AGBL4: variants seen among roughly 807,000 people sequenced by gnomAD.
The protein encoded by AGBL4 is cytosolic carboxypeptidase 6.
Under a neutral mutation model 66.4 loss-of-function variants are expected in AGBL4, and 58 were observed. The ratio of observed to expected loss-of-function variants is 0.87; its 90% CI spans 0.71 to 1.09. The LOEUF is 1.09. AGBL4 is among the 50% of genes least tolerant of loss of function. AGBL4 has a pLI of 0.00. For missense variants in AGBL4, 579 were observed against 631.0 expected, an observed-to-expected ratio of 0.92 and a Z score of 0.88; for synonymous variants, 234 against 222.9, an observed-to-expected ratio of 1.05 and a Z score of -0.44.
At chr1:48,814,039 G>A (rs1325075863) in intron 6 of AGBL4, among the ~76,000 whole-genome samples, 1 of 152,062 alleles carries the variant, frequency 6.6e-6, no homozygotes, top group African/African-American at 2.4e-5. Context: ...GCTGAGATGA[G>A]GTTAGATTTG....
Position 49,809,157 on chromosome 1 carries a change from A to AT in AGBL4, c.157+42238dup, listed in dbSNP as rs1012339182. Reference sequence around the variant, plus strand: ...TTCTTCCCTTGTAGCATCCAATTACATTTTTTTTTATTATTTTACTTTAAG... The same window carrying AT: ...TTCTTCCCTTGTAGCATCCAATTACATTTTTTTTTTATTATTTTACTTTAAG... On this transcript the variant is annotated intron_variant, in intron 2 of 13. Coordinates refer to ENST00000371839, the MANE Select transcript of AGBL4 (RefSeq NM_032785.4). Among the ~76,000 whole-genome samples, 41 of 151,324 alleles carry AT rather than the reference A, an allele frequency of 2.7e-4. No individual in the cohort carries two copies. In the South Asian group the frequency reaches 3.1e-3, roughly 12 times the overall value.
At chr1:48,874,032 G>C (rs994984372) in intron 5 of AGBL4, among the ~76,000 whole-genome samples, 1 of 152,132 alleles carries the variant, frequency 6.6e-6, no homozygotes, top group Non-Finnish European at 1.5e-5. Flanking sequence ...GTGCAAGATA[G>C]CTATTTGGGG....
At chr1:48,998,904 A>G (rs1557542901) in intron 5 of AGBL4, among the ~76,000 whole-genome samples, 1 of 152,222 alleles carries the variant, frequency 6.6e-6, no homozygotes, top group Non-Finnish European at 1.5e-5. Context: ...AGCTGCTTGA[A>G]GATCTCTCCA....
intron 11 of AGBL4, among the ~76,000 whole-genome samples, chr1:48,550,908 T>C (rs539265885): frequency 6.6e-6 from 1 of 152,354 alleles, no homozygotes; most frequent in South Asian, 2.1e-4. Context: ...TTGCCTACCG[T>C]ACTTCTTAAA....
intron 4 of AGBL4, among the ~76,000 whole-genome samples, chr1:49,048,574 T>G (rs924547744): frequency 7.9e-5 from 12 of 152,078 alleles, no homozygotes; most frequent in Non-Finnish European, 1.3e-4. Context: ...CAGGCAAAAT[T>G]CAAGACTTTC....
chr1:49,443,782 T>TTA (rs1009875724), intron 3 of AGBL4, among the ~76,000 whole-genome samples: 374 of 149,878 alleles, frequency 2.5e-3, no homozygotes, highest in African/African-American at 4.7e-3. Flanking sequence ...CTGATTTTTA[T>TTA]TATATATATA....
rs114249090 is a variant in AGBL4 at position 49,458,095 on chromosome 1, G to T, written c.283-212231C>A. 6.2e-3 allele frequency among the ~76,000 whole-genome samples: 934 copies of T among 151,610 alleles called. 12 individuals carry two copies. Among genetic ancestry groups the T allele is most frequent in the African/African-American group, 0.022 (899 of 41,418 alleles). On this transcript the variant is annotated intron_variant, in intron 3 of 13. Transcript: ENST00000371839. Reference sequence around the variant, plus strand: ...TTTTACGGGTTCTGTGAATAATGATGGTAGAATTTTGATGGAAATTGCATT... The same window carrying T: ...TTTTACGGGTTCTGTGAATAATGATTGTAGAATTTTGATGGAAATTGCATT...
intron 3 of AGBL4, among the ~76,000 whole-genome samples, chr1:49,373,382 C>T (rs1644406528): frequency 6.6e-6 from 1 of 152,106 alleles, no homozygotes; most frequent in Admixed American, 6.6e-5. Context: ...ATAATTCAGG[C>T]AGGGATTTGC....
intron 1 of AGBL4, among the ~76,000 whole-genome samples, chr1:50,019,730 AT>A: frequency 6.6e-6 from 1 of 152,096 alleles, no homozygotes; most frequent in Non-Finnish European, 1.5e-5. Flanking sequence ...AAAACAAATT[AT>A]TTTACCGGGT....
rs554465751 is a variant in AGBL4, at chr1:49,715,440, C to A, written c.158-18003G>T. 2.0e-5 allele frequency among the ~76,000 whole-genome samples: 3 copies of A among 152,210 alleles called. No individual in the cohort carries two copies. The South Asian group carries it at 6.2e-4, about 32-fold the overall frequency. On this transcript the variant is annotated intron_variant, in intron 2 of 13. Coordinates refer to ENST00000371839, the MANE Select transcript of AGBL4 (RefSeq NM_032785.4). Reference sequence around the variant, plus strand: ...ACAATAAACATAAACGTGCATGTGTCTTAATAGTAGAATGATTTATAATCC... The same window carrying A: ...ACAATAAACATAAACGTGCATGTGTATTAATAGTAGAATGATTTATAATCC...
At chr1:49,469,561 G>A (rs1212251124) in intron 3 of AGBL4, among the ~76,000 whole-genome samples, 1 of 151,752 alleles carries the variant, frequency 6.6e-6, no homozygotes, top group Non-Finnish European at 1.5e-5. Flanking sequence ...AAATACAAGT[G>A]GTAGTATACA....
intron 5 of AGBL4, among the ~76,000 whole-genome samples, chr1:48,999,930 A>C (rs1452131909): frequency 1.3e-5 from 2 of 152,028 alleles, no homozygotes; most frequent in African/African-American, 4.8e-5. Flanking sequence ...AGTTCCTAGA[A>C]ATAGACTAGT....
chr1:49,479,794 C>T (rs934656253), intron 3 of AGBL4, among the ~76,000 whole-genome samples: 2 of 151,278 alleles, frequency 1.3e-5, no homozygotes, highest in African/African-American at 2.4e-5. Flanking sequence ...CTCCGCCTCC[C>T]GGGTTCACAC....
intron 4 of AGBL4, among the ~76,000 whole-genome samples, chr1:49,225,546 T>A (rs1649848511): frequency 6.6e-6 from 1 of 152,152 alleles, no homozygotes; most frequent in African/African-American, 2.4e-5. Flanking sequence ...TTCATGCTGA[T>A]CCCACCTACC....
chr1:48,541,461 T>C (rs1165311213), intron 11 of AGBL4, among the ~76,000 whole-genome samples: 1 of 152,242 alleles, frequency 6.6e-6, no homozygotes, highest in African/African-American at 2.4e-5. Context: ...GTATGAAATA[T>C]ATATTTGTTG....
At chr1:49,061,981 G>A (rs1039312893) in intron 4 of AGBL4, among the ~76,000 whole-genome samples, 6 of 152,164 alleles carry the variant, frequency 3.9e-5, no homozygotes, top group East Asian at 1.9e-4. Flanking sequence ...GCGAGCAAGC[G>A]TTACTGCTTG....
At chr1:48,596,099 A>G (rs1030782866) in intron 9 of AGBL4, among the ~76,000 whole-genome samples, 1 of 152,210 alleles carries the variant, frequency 6.6e-6, no homozygotes, top group Non-Finnish European at 1.5e-5. Flanking sequence ...ACGCAGCAAG[A>G]TGTGGCAGAG....
At chr1:48,967,807 C>T (rs570229845) in intron 5 of AGBL4, among the ~76,000 whole-genome samples, 2 of 152,112 alleles carry the variant, frequency 1.3e-5, no homozygotes, top group South Asian at 2.1e-4. Flanking sequence ...CAAGCCTAAG[C>T]GTGTTGATTA....
chr1:49,008,004 C>T (rs1411548106), intron 5 of AGBL4, among the ~76,000 whole-genome samples: 1 of 152,096 alleles, frequency 6.6e-6, no homozygotes, highest in Non-Finnish European at 1.5e-5. Context: ...ATCATCATGA[C>T]AGGATCAAAT....
Sources: allele counts gnomAD v4.1 joint callset (sites outside exome capture counted in the v4.1 genomes callset), GRCh38; gene constraint gnomAD v4.1.1; transcripts MANE v1.5; gene names NCBI Gene and HGNC (gene_info 2026-07-23, HGNC 2026-07-21).